The following KIF26B variants were observed in gnomAD, a reference collection of about 807,000 sequenced individuals.
The protein encoded by KIF26B is kinesin family member 26B.
A neutral mutation model predicts 151.2 loss-of-function variants in KIF26B; 63 were observed. The observed-to-expected ratio is 0.42, with a 90% CI of 0.34 to 0.51. The LOEUF (loss-of-function observed/expected upper bound fraction) is 0.51. KIF26B is among the 20% of genes least tolerant of loss of function. KIF26B has a pLI of 0.07. For missense variants in KIF26B, 2,813 were observed against 2,913.6 expected (o/e 0.97, Z 0.79); for synonymous variants, 1,357 against 1,262.1 (o/e 1.08, Z -1.59).
At chr1:245,305,734 C>T (rs969111627) in intron 2 of KIF26B, among the ~76,000 whole-genome samples, 3 of 151,892 alleles carry the variant, frequency 2.0e-5, no homozygotes, top group African/African-American at 4.8e-5. Flanking sequence ...GTCAGGAGAT[C>T]GAGACCATCC....
intron 10 of KIF26B, among the ~76,000 whole-genome samples, chr1:245,654,928 G>A (rs1471144271): frequency 1.3e-5 from 2 of 152,236 alleles, no homozygotes; most frequent in South Asian, 2.1e-4. Context: ...GTGAGATCAC[G>A]AGCTTTTCCT....
intron 10 of KIF26B, among the ~76,000 whole-genome samples, chr1:245,651,886 C>T (rs2044019683): frequency 6.6e-6 from 1 of 152,132 alleles, no homozygotes; most frequent in African/African-American, 2.4e-5. Context: ...AAACCTGTCC[C>T]TGGTGCCAAA....
At chr1:245,523,668 C>T (rs1661180246) in intron 4 of KIF26B, among the ~76,000 whole-genome samples, 1 of 152,174 alleles carries the variant, frequency 6.6e-6, no homozygotes. Flanking sequence ...TTTAAGGGCA[C>T]TAATCCCATT....
Position 245,698,178 on chromosome 1 carries a change from G to T in KIF26B, c.5897G>T (p.Ser1966Ile). 6.2e-7 allele frequency: 1 copy of T among 1,614,050 alleles called. No individual in the cohort carries two copies. Among genetic ancestry groups the T allele is most frequent in the Non-Finnish European group, 8.5e-7 (1 of 1,179,902 alleles). The stretch of plus-strand genomic sequence containing the variant: ...TCCCCTGTGAGAAAACCCCCCAACA[G>T]CACAGGCGTCCGCTGGGTGGATGGC... ...TSSPVRKPPN[S>I]TGVRWVDGPL... Residue 1966 changes from serine to isoleucine, a missense_variant, in exon 13 of 15, where the codon AGC becomes ATC. Ser to Ile is a moderately radical substitution (Grantham distance 142, BLOSUM62 -2). Transcript: ENST00000407071. This position sits in a 1 kb window ranked among gnomAD's most constrained non-coding sequence, Gnocchi z 4.0.
At chr1:245,176,494 T>C (rs1668811362) in intron 2 of KIF26B, among the ~76,000 whole-genome samples, 1 of 152,192 alleles carries the variant, frequency 6.6e-6, no homozygotes, top group Non-Finnish European at 1.5e-5. Flanking sequence ...CAGATGTTCC[T>C]GGAGGTGCAT....
chr1:245,364,265 G>A (rs1672888015), intron 2 of KIF26B, among the ~76,000 whole-genome samples: 1 of 152,088 alleles, frequency 6.6e-6, no homozygotes, highest in Admixed American at 6.6e-5. Flanking sequence ...TAAAAACAAG[G>A]AAGAAAAGAG....
chr1:245,259,899 C>T (rs1358167878), intron 2 of KIF26B, among the ~76,000 whole-genome samples: 3 of 141,090 alleles, frequency 2.1e-5, no homozygotes, highest in Admixed American at 7.5e-5. Context: ...TGCACTGCTG[C>T]ACCCCAGCAT....
intron 12 of KIF26B, among the ~76,000 whole-genome samples, chr1:245,691,680 C>CT (rs1452472137): frequency 5.8e-4 from 88 of 152,316 alleles, no homozygotes; most frequent in African/African-American, 2.0e-3. Flanking sequence ...GAGGAGACAT[C>CT]TTTTGTCTGA....
intron 2 of KIF26B, among the ~76,000 whole-genome samples, chr1:245,350,535 C>T (rs994008259): frequency 6.6e-6 from 1 of 152,122 alleles, no homozygotes; most frequent in African/African-American, 2.4e-5. Flanking sequence ...GCAGGAATGC[C>T]GTCCCCACAG....
intron 5 of KIF26B, among the ~76,000 whole-genome samples, chr1:245,581,064 T>C (rs2103129440): frequency 6.6e-6 from 1 of 152,356 alleles, no homozygotes; most frequent in African/African-American, 2.4e-5. Flanking sequence ...ATTCTGGCTG[T>C]GTGGGACACA....
rs568439715 is a variant in KIF26B at position 245,684,362 on chromosome 1, G to A, written c.2388G>A (p.Ser796=). 2.1e-4 allele frequency: 331 copies of A among 1,613,398 alleles called. No individual in the cohort carries two copies. Among genetic ancestry groups the A allele is most frequent in the Admixed American group, 6.5e-4 (39 of 59,946 alleles). The change falls in exon 11 of 15, where the codon TCG becomes TCA. Residue 796 remains serine, a synonymous_variant. Coordinates refer to ENST00000407071, the MANE Select transcript of KIF26B (RefSeq NM_018012.4). ...CCCTGTCCACCATCCAGATTGCATC[G>A]AGAGTCTTGAGGATGAAGAAAAAGA... ...AETLSTIQIA[S]RVLRMKKKKT...
chr1:245,523,073 C>T (rs1018737336), intron 4 of KIF26B, among the ~76,000 whole-genome samples: 3 of 152,194 alleles, frequency 2.0e-5, no homozygotes, highest in African/African-American at 7.2e-5. Flanking sequence ...TCCTGTTTTA[C>T]AGCTGGGGAA....
chr1:245,666,978 G>A (rs139655152), intron 10 of KIF26B, among the ~76,000 whole-genome samples: 485 of 152,256 alleles, frequency 3.2e-3, no homozygotes, highest in Non-Finnish European at 3.9e-3. Context: ...TTGTACATCA[G>A]GAGGGGCCTG....
chr1:245,217,534 T>C (rs564332469), intron 2 of KIF26B, among the ~76,000 whole-genome samples: 17 of 152,008 alleles, frequency 1.1e-4, no homozygotes, highest in Non-Finnish European at 2.5e-4. Flanking sequence ...CCAGCTATTT[T>C]TTTTTGTATT....
intron 10 of KIF26B, among the ~76,000 whole-genome samples, chr1:245,670,245 CATATATATATAT>C (rs10584392): frequency 0.036 from 4,782 of 134,654 alleles, 184 homozygotes; most frequent in African/African-American, 0.096. Flanking sequence ...TGTGTATATC[CATATATATATAT>C]ATATATATAT....
At chr1:245,289,762 A>G (rs1427703738) in intron 2 of KIF26B, among the ~76,000 whole-genome samples, 1 of 152,174 alleles carries the variant, frequency 6.6e-6, no homozygotes, top group African/African-American at 2.4e-5. Context: ...AGTTCATTCA[A>G]AAGACCAACA....
intron 2 of KIF26B, among the ~76,000 whole-genome samples, chr1:245,228,251 C>T (rs553664418): frequency 6.6e-6 from 1 of 152,286 alleles, no homozygotes; most frequent in Non-Finnish European, 1.5e-5. Context: ...TTGTACATTT[C>T]CATAACTAGC....
At chr1:245,422,411 T>C (rs1617909) in intron 4 of KIF26B, among the ~76,000 whole-genome samples, 20,393 of 152,050 alleles carry the variant, frequency 0.13, 1,885 homozygotes, top group African/African-American at 0.25. Context: ...CCCCTGTCAC[T>C]GAGGGGCACC....
chr1:245,502,129 G>C (rs558732523), intron 4 of KIF26B, among the ~76,000 whole-genome samples: 1 of 152,334 alleles, frequency 6.6e-6, no homozygotes, highest in East Asian at 1.9e-4. Context: ...AGTGAGTGCA[G>C]CATGATTTCT....
Sources: allele counts gnomAD v4.1 joint callset (sites outside exome capture counted in the v4.1 genomes callset), GRCh38; gene constraint gnomAD v4.1.1; non-coding constraint Gnocchi (gnomAD v3.1); transcripts MANE v1.5; gene names NCBI Gene and HGNC (gene_info 2026-07-23, HGNC 2026-07-21).